The following MPP7 variants were observed in gnomAD, a reference collection of about 807,000 sequenced individuals.
MPP7 encodes MAGUK p55 scaffold protein 7.
In MPP7, 60 loss-of-function variants were observed where a neutral mutation model predicts 76.5. The observed-to-expected ratio is 0.78, with a 90% CI of 0.64 to 0.97. The LOEUF is 0.97. MPP7 is among the 50% of genes least tolerant of loss of function. The pLI, the probability that MPP7 is intolerant of heterozygous loss-of-function variation, is 0.00. For synonymous variants in MPP7, 237 were observed against 244.5 expected (o/e 0.97, Z 0.29); for missense variants, 641 against 694.0 (o/e 0.92, Z 0.86).
intron 12 of MPP7, among the ~76,000 whole-genome samples, chr10:28,078,205 C>T (rs111852336): frequency 1.6e-3 from 248 of 152,296 alleles, no homozygotes; most frequent in African/African-American, 5.7e-3. Flanking sequence ...TGGAACTTCA[C>T]GGACTCTCTC....
intron 1 of MPP7, among the ~76,000 whole-genome samples, chr10:28,244,940 T>C (rs1057065717): frequency 5.3e-5 from 8 of 152,088 alleles, no homozygotes; most frequent in African/African-American, 1.9e-4. Flanking sequence ...CAACAATGAG[T>C]GCACCATGAC....
chr10:28,077,954 C>T (rs548137173), intron 12 of MPP7, among the ~76,000 whole-genome samples: 1 of 152,250 alleles, frequency 6.6e-6, no homozygotes, highest in Admixed American at 6.5e-5. Context: ...CTCAGAACAT[C>T]CCTGCAAGAA....
intron 1 of MPP7, among the ~76,000 whole-genome samples, chr10:28,261,197 G>C (rs929571486): frequency 2.6e-5 from 4 of 152,276 alleles, no homozygotes; most frequent in East Asian, 3.9e-4. Context: ...CCTACACACA[G>C]GTGAGAAAAC....
chr10:28,198,448 G>A (rs907728206), intron 3 of MPP7, among the ~76,000 whole-genome samples: 1 of 151,892 alleles, frequency 6.6e-6, no homozygotes, highest in African/African-American at 2.4e-5. Context: ...GGTGACAGAC[G>A]GCTGCAGTCC....
At chr10:28,316,471 A>G (rs910143514) in intron 2 of MPP7, among the ~76,000 whole-genome samples, 1 of 141,514 alleles carries the variant, frequency 7.1e-6, no homozygotes, top group Non-Finnish European at 1.5e-5. Context: ...AAAAAAAAAA[A>G]ACTATCTGAG....
At chr10:28,246,000 A>C (rs1839422352) in intron 1 of MPP7, among the ~76,000 whole-genome samples, 1 of 152,090 alleles carries the variant, frequency 6.6e-6, no homozygotes, top group South Asian at 2.1e-4. Context: ...GGACACCATC[A>C]AGCAGATGAA....
chr10:28,055,698 C>G (rs1851526962), intron 16 of MPP7, among the ~76,000 whole-genome samples: 1 of 152,054 alleles, frequency 6.6e-6, no homozygotes, highest in South Asian at 2.1e-4. Context: ...ATTGTTGACA[C>G]AAGGAGACAA....
upstream of MPP7, among the ~76,000 whole-genome samples, chr10:28,307,905 G>A (rs1002047579): frequency 1.3e-5 from 2 of 152,110 alleles, no homozygotes; most frequent in Non-Finnish European, 2.9e-5. Flanking sequence ...TTGCTAGCAG[G>A]GGTTGCTCTC....
intron 11 of MPP7, among the ~76,000 whole-genome samples, chr10:28,095,014 A>G (rs1564627846): frequency 6.6e-6 from 1 of 151,764 alleles, no homozygotes; most frequent in East Asian, 1.9e-4. Context: ...TGTATTAACT[A>G]TTTTTTCATT....
intron 2 of MPP7, among the ~76,000 whole-genome samples, chr10:28,233,015 G>T (rs535024037): frequency 6.6e-6 from 1 of 152,284 alleles, no homozygotes; most frequent in African/African-American, 2.4e-5. Flanking sequence ...TAGGTATTAT[G>T]CAGGAAAGGA....
chr10:28,057,746 T>A, intron 15 of MPP7: 1 of 1,288,036 alleles, frequency 7.8e-7, no homozygotes, highest in Non-Finnish European at 1.0e-6. Flanking sequence ...TTACTCCAGA[T>A]TCATCTTCCT....
Position 28,297,415 on chromosome 10 carries a change from A to G in MPP7, c.-132+5446T>C, listed in dbSNP as rs1398348346. ...CAATTTCTTAAAATAAGAAAACAAT[A>G]AGGCCGGGCGCTGTGGCTCACGCCT... On this transcript the variant is annotated intron_variant, in intron 1 of 16. Coordinates refer to ENST00000683449, the MANE Select transcript of MPP7 (RefSeq NM_001318170.2). Among the ~76,000 whole-genome samples the G allele has an allele frequency of 1.1e-4, 16 of 152,132 alleles. 1 individual carries two copies. Among genetic ancestry groups the G allele is most frequent in the Non-Finnish European group, 1.5e-5 (1 of 68,016 alleles).
rs1312172730 is a variant in MPP7, at chr10:28,052,778, AT to A, written c.*1286del. ...ACTCTCTTTACAAATCAACAAAAAA[AT>A]AACATTTTTTTTTCCACTTTGAAAG... On this transcript the variant is annotated 3_prime_UTR_variant, in exon 17 of 17. Transcript: ENST00000683449. The A allele has an allele frequency of 6.6e-6, 1 of 152,200 alleles. No homozygotes were observed. The highest frequency in any genetic ancestry group is 2.4e-5 in the African/African-American group (1 of 41,456). The allele number at this position is 152,200 out of a possible 1,614,324, so 9.4% of individuals were successfully genotyped here. A position where few individuals can be genotyped will look rare whatever the true frequency, so the allele number is the denominator to read the frequency against.
chr10:28,194,674 C>T (rs972752446), intron 3 of MPP7, among the ~76,000 whole-genome samples: 2 of 152,068 alleles, frequency 1.3e-5, no homozygotes, highest in South Asian at 4.1e-4. Flanking sequence ...CTGGAAAAGG[C>T]AAAACTATTC....
At chr10:28,249,642 C>T (rs568724198) in intron 1 of MPP7, among the ~76,000 whole-genome samples, 2 of 152,156 alleles carry the variant, frequency 1.3e-5, no homozygotes, top group African/African-American at 2.4e-5. Flanking sequence ...CCCTTTTCCC[C>T]GAGTAAGCAG....
chr10:28,215,760 C>G (rs551617288), intron 2 of MPP7, among the ~76,000 whole-genome samples: 2 of 152,286 alleles, frequency 1.3e-5, no homozygotes, highest in African/African-American at 4.8e-5. Flanking sequence ...TATAGTCATG[C>G]TAACCTTACA....
rs978136288 is a variant in MPP7 at position 28,081,644 on chromosome 10, T to C, written c.1123+8027A>G. ...TCATTAAATATAAGAATAAAAACCA[T>C]ATAGCATTATGATAATATAGAAAAA... is the stretch of plus-strand genomic sequence containing the variant. On this transcript the variant is annotated intron_variant, in intron 12 of 16. Transcript: ENST00000683449. 3.9e-5 allele frequency among the ~76,000 whole-genome samples: 6 copies of C among 152,180 alleles called. 1 individual carries two copies. The South Asian group carries it at 8.3e-4, about 21-fold the overall frequency.
At chr10:28,061,283 C>G (rs192938399) in intron 13 of MPP7, among the ~76,000 whole-genome samples, 13 of 151,770 alleles carry the variant, frequency 8.6e-5, no homozygotes, top group Admixed American at 2.0e-4. Context: ...CATAACTAAG[C>G]TTGAAAAGGT....
At chr10:28,298,912 C>A (rs2133149737) in intron 1 of MPP7, among the ~76,000 whole-genome samples, 1 of 152,320 alleles carries the variant, frequency 6.6e-6, no homozygotes, top group East Asian at 1.9e-4. Context: ...CATGAACCAA[C>A]CTCTTCTAGC....
Sources: gnomAD v4.1 joint callset for allele counts (sites outside exome capture counted in the v4.1 genomes callset) on GRCh38, gnomAD v4.1.1 for gene constraint, MANE v1.5 for transcripts, NCBI Gene and HGNC (gene_info 2026-07-23, HGNC 2026-07-21) for gene names.